The following PCDH9 variants were observed in gnomAD, a reference collection of about 807,000 sequenced individuals.
The protein encoded by PCDH9 is protocadherin 9.
Under a neutral mutation model 70.6 loss-of-function variants are expected in PCDH9, and 24 were observed. That is an observed-to-expected ratio of 0.34 (90% CI 0.25 to 0.48). PCDH9 has a LOEUF of 0.48. Ranked by LOEUF, PCDH9 falls within the 20% of genes least tolerant of loss-of-function variation. The pLI is 0.99. For missense variants in PCDH9, 1,281 were observed against 1,503.6 expected (o/e 0.85, Z 2.45); for synonymous variants, 562 against 558.5 (o/e 1.01, Z -0.09).
At chr13:66,475,441 G>T (rs1958705339) in intron 4 of PCDH9, among the ~76,000 whole-genome samples, 1 of 151,862 alleles carries the variant, frequency 6.6e-6, no homozygotes, top group Admixed American at 6.6e-5. Context: ...CTATATTTTT[G>T]TATGTAAGGT....
At chr13:66,461,378 T>C (rs556672593) in intron 4 of PCDH9, among the ~76,000 whole-genome samples, 8 of 151,916 alleles carry the variant, frequency 5.3e-5, no homozygotes, top group African/African-American at 1.7e-4. Flanking sequence ...CAGACTTCAC[T>C]GAACTAAAAT....
chr13:66,891,513 CCTAG>C (rs1350880401), intron 3 of PCDH9, among the ~76,000 whole-genome samples: 1 of 152,022 alleles, frequency 6.6e-6, no homozygotes, highest in Non-Finnish European at 1.5e-5. Context: ...GAAATTGTAT[CCTAG>C]CTGTTTATTT....
intron 3 of PCDH9, among the ~76,000 whole-genome samples, chr13:66,811,111 C>T (rs2080497742): frequency 6.6e-6 from 1 of 152,042 alleles, no homozygotes; most frequent in South Asian, 2.1e-4. Flanking sequence ...AATTTTTCCT[C>T]AAATTTGTTT....
At chr13:66,841,188 A>G (rs554125696) in intron 3 of PCDH9, among the ~76,000 whole-genome samples, 1 of 152,368 alleles carries the variant, frequency 6.6e-6, no homozygotes, top group South Asian at 2.1e-4. Flanking sequence ...AGCAAAATTT[A>G]AAAATGAAGA....
chr13:67,028,493 C>T (rs2084836112), intron 2 of PCDH9, among the ~76,000 whole-genome samples: 2 of 151,458 alleles, frequency 1.3e-5, no homozygotes, highest in South Asian at 4.2e-4. Flanking sequence ...GGGTGCAGCA[C>T]ACCAGCATGG....
At chr13:67,087,464 T>G (rs1327606206) in intron 2 of PCDH9, among the ~76,000 whole-genome samples, 1 of 152,146 alleles carries the variant, frequency 6.6e-6, no homozygotes, top group Non-Finnish European at 1.5e-5. Flanking sequence ...AGAAATAAAT[T>G]TTAATATAGT....
intron 4 of PCDH9, among the ~76,000 whole-genome samples, chr13:66,352,161 C>CT (rs1956303481): frequency 6.6e-6 from 1 of 152,126 alleles, no homozygotes; most frequent in Non-Finnish European, 1.5e-5. Flanking sequence ...TATGCTGCAT[C>CT]TTTTTCCTCA....
chr13:66,804,704 T>G (rs1350047527), intron 3 of PCDH9, among the ~76,000 whole-genome samples: 5 of 152,166 alleles, frequency 3.3e-5, no homozygotes, highest in Non-Finnish European at 2.9e-5. Context: ...TATATAAAAA[T>G]TACTTATTTC....
intron 3 of PCDH9, among the ~76,000 whole-genome samples, chr13:66,879,737 AT>A (rs1393564626): frequency 3.9e-5 from 6 of 152,222 alleles, no homozygotes; most frequent in African/African-American, 1.2e-4. Context: ...ATGAAAAAAA[AT>A]GAAAGGAAAT....
chr13:67,213,521 G>T (rs1448537079), intron 2 of PCDH9: 1 of 151,974 alleles, frequency 6.6e-6, no homozygotes, highest in Non-Finnish European at 1.5e-5. Context: ...TGTACTATAT[G>T]CCATGCTACA....
At chr13:66,766,240 G>C (rs866028807) in intron 3 of PCDH9, among the ~76,000 whole-genome samples, 1 of 151,790 alleles carries the variant, frequency 6.6e-6, no homozygotes, top group Non-Finnish European at 1.5e-5. Flanking sequence ...AGAGTAGACA[G>C]CAGTAGTCAG....
chr13:66,888,863 C>A (rs2082050561), intron 3 of PCDH9, among the ~76,000 whole-genome samples: 1 of 152,132 alleles, frequency 6.6e-6, no homozygotes, highest in South Asian at 2.1e-4. Context: ...AGTCAGGGCT[C>A]CTCTTTACAG....
At chr13:66,980,730 G>GTTC (rs2083730019) in intron 2 of PCDH9, among the ~76,000 whole-genome samples, 1 of 70,872 alleles carries the variant, frequency 1.4e-5, no homozygotes, top group African/African-American at 5.3e-5. Flanking sequence ...TTTTTTCTTT[G>GTTC]TTTTTTTTTT....
In PCDH9 at chr13:66,304,481, C is replaced by A; in HGVS notation, c.*174G>T. 2 of 566,908 alleles carry A rather than the reference C, an allele frequency of 3.5e-6. No individual in the cohort carries two copies. The highest frequency in any genetic ancestry group is 6.2e-6 in the Non-Finnish European group (2 of 320,182). 35.1% of individuals were successfully genotyped at this position (566,908 alleles called of 1,614,324 possible). A position where few individuals can be genotyped will look rare whatever the true frequency, so the allele number is the denominator to read the frequency against. On this transcript the variant is annotated 3_prime_UTR_variant, in exon 5 of 5. Transcript: ENST00000377865. ...AGTAAACAAAATTGCATGGCTAGAA[C>A]TATCTTCTCTCATATGTTGCAAAAA...
Position 66,451,991 on chromosome 13 carries a change from A to T in PCDH9, c.3341-146963T>A, listed in dbSNP as rs1958222812. On this transcript the variant is annotated intron_variant, in intron 4 of 4. Transcript: ENST00000377865. ...TTTTTAAATCCGGGCTGAGGTCTAG[A>T]CTGTCATGGGTCCCCTAAATTCTGA... 5.3e-5 allele frequency among the ~76,000 whole-genome samples: 8 copies of T among 152,298 alleles called. No homozygotes were observed. In the South Asian group the frequency reaches 1.7e-3, roughly 32 times the overall value.
At chr13:66,568,318 T>G (rs2076681102) in intron 4 of PCDH9, among the ~76,000 whole-genome samples, 1 of 151,954 alleles carries the variant, frequency 6.6e-6, no homozygotes, top group South Asian at 2.1e-4. Context: ...GAAAACAAAT[T>G]TATGTCATCT....
At chr13:67,020,119 G>A (rs1382906058) in intron 2 of PCDH9, among the ~76,000 whole-genome samples, 1 of 151,956 alleles carries the variant, frequency 6.6e-6, no homozygotes, top group Non-Finnish European at 1.5e-5. Context: ...TTTCTTTTGA[G>A]TCTGTGTCTG....
intron 4 of PCDH9, among the ~76,000 whole-genome samples, chr13:66,580,096 A>G (rs1303415700): frequency 6.6e-6 from 1 of 152,078 alleles, no homozygotes; most frequent in African/African-American, 2.4e-5. Context: ...TAATATAAAT[A>G]TGTTAGTGTT....
intron 2 of PCDH9, among the ~76,000 whole-genome samples, chr13:67,074,037 T>TATC (rs1218795724): frequency 2.1e-5 from 3 of 145,774 alleles, no homozygotes; most frequent in African/African-American, 7.5e-5. Context: ...AAATTCTATC[T>TATC]ATCTATCTAT....
Sources: gnomAD v4.1 joint callset for allele counts (sites outside exome capture counted in the v4.1 genomes callset) on GRCh38, gnomAD v4.1.1 for gene constraint, MANE v1.5 for transcripts, NCBI Gene and HGNC (gene_info 2026-07-23, HGNC 2026-07-21) for gene names.